Variants in SMC2 observed in about 807,000 individuals in gnomAD.
SMC2 encodes structural maintenance of chromosomes protein 2.
In SMC2, 41 loss-of-function variants were observed where a neutral mutation model predicts 142.6. The observed-to-expected ratio is 0.29, with a 90% CI of 0.22 to 0.37. The LOEUF is 0.37. SMC2 is among the 10% of genes least tolerant of loss of function. The pLI, the probability that SMC2 is intolerant of heterozygous loss-of-function variation, is 1.00. For synonymous variants in SMC2, 463 were observed against 457.5 expected (o/e 1.01, Z -0.15); for missense variants, 1,265 against 1,373.7 (o/e 0.92, Z 1.25).
chr9:104,112,923 C>T (rs1206512827), intron 10 of SMC2, among the ~76,000 whole-genome samples: 1 of 152,042 alleles, frequency 6.6e-6, no homozygotes, highest in Non-Finnish European at 1.5e-5. Flanking sequence ...TTAGATAGCA[C>T]TCACAAATAT....
rs369907847 is a variant in SMC2 at position 104,126,735 on chromosome 9, C to T, written c.2546C>T (p.Ser849Phe). The T allele has an allele frequency of 8.1e-6, 13 of 1,612,772 alleles. No individual in the cohort carries two copies. Among genetic ancestry groups the T allele is most frequent in the Non-Finnish European group, 1.1e-5 (13 of 1,179,590 alleles). The change falls in exon 19 of 25, where the codon TCC becomes TTC. Residue 849 changes from serine to phenylalanine, a missense_variant. Physicochemically the swap from Ser to Phe is radical, Grantham distance 155 (BLOSUM62 -2). This residue lies in a region of SMC2 where 898 missense variants were observed against 904.2 expected (regional missense o/e 0.99). Coordinates refer to ENST00000374793, the MANE Select transcript of SMC2 (RefSeq NM_006444.3). ...GAAGCTGTAAATGAAGCTATCAAAT[C>T]CTATGAAAGTCAGATTGAAGTAATG... ...QLEAVNEAIK[S>F]YESQIEVMAA...
intron 9 of SMC2, among the ~76,000 whole-genome samples, chr9:104,108,231 A>T (rs1209939393): frequency 6.6e-6 from 1 of 152,174 alleles, no homozygotes; most frequent in Non-Finnish European, 1.5e-5. Context: ...AGTATCCAAG[A>T]ACTCCAGAAA....
At chr9:104,091,508 C>T (rs1829981130), upstream of SMC2, among the ~76,000 whole-genome samples, 1 of 152,168 alleles carries the variant, frequency 6.6e-6, no homozygotes, top group Admixed American at 6.5e-5. Context: ...CCACTGCCCT[C>T]CAGCCTGAGA....
chr9:104,100,340 T>A (rs763956569), intron 6 of SMC2, 49 bp from the exon 7 acceptor site: 2 of 1,486,498 alleles, frequency 1.3e-6, no homozygotes, highest in South Asian at 2.4e-5. Flanking sequence ...TCAAATAAAT[T>A]TTAATGATAC....
At chr9:104,091,126 T>C (rs1270871866), upstream of SMC2, among the ~76,000 whole-genome samples, 2 of 152,168 alleles carry the variant, frequency 1.3e-5, no homozygotes, top group Non-Finnish European at 2.9e-5. Context: ...TCAAATAATA[T>C]GGCGTTAGAA....
At chr9:104,132,937 G>T (rs1477314052) in intron 22 of SMC2, among the ~76,000 whole-genome samples, 3 of 151,404 alleles carry the variant, frequency 2.0e-5, no homozygotes, top group African/African-American at 7.3e-5. Context: ...AATTTCCAAG[G>T]TTCTTCCAAA....
In SMC2 at chr9:104,114,090, C is replaced by G. The variant is rs745690835; in HGVS notation, c.1532+9C>G. 8 of 1,394,904 alleles carry G rather than the reference C, an allele frequency of 5.7e-6. No individual in the cohort carries two copies. In the Admixed American group the frequency reaches 6.5e-5, roughly 11 times the overall value. The allele number at this position is 1,394,904 out of a possible 1,614,324, so 86.4% of individuals were successfully genotyped here. A position where few individuals can be genotyped will look rare whatever the true frequency, so the allele number is the denominator to read the frequency against. On this transcript the variant is annotated intron_variant, in intron 12 of 24. Transcript: ENST00000374793. ...CTTCGATTTGCATACAAGTAAGAGA[C>G]TTAAGCCTTGAATTTTAACATAGTA...
chr9:104,103,527 C>T (rs916250915), intron 9 of SMC2, among the ~76,000 whole-genome samples: 8 of 152,064 alleles, frequency 5.3e-5, no homozygotes, highest in Middle Eastern at 6.3e-3. Context: ...TAAAATAGGG[C>T]CCCTTAGTAG....
intron 7 of SMC2, among the ~76,000 whole-genome samples, 175 bp from the exon 8 acceptor site, chr9:104,101,785 A>G (rs1312878803): frequency 6.6e-6 from 1 of 152,236 alleles, no homozygotes; most frequent in African/African-American, 2.4e-5. Flanking sequence ...GTAGAATGCT[A>G]TCTAAAAGTC....
Position 104,127,439 on chromosome 9 carries a change from A to G in SMC2, c.2749A>G (p.Ile917Val), listed in dbSNP as rs1212912967. Reference sequence around the variant, plus strand: ...TAAAATTAAGGAATTAGACCACAACATCAGCAAACATAAACGGGAGGCTGA... The same window carrying G: ...TAAAATTAAGGAATTAGACCACAACGTCAGCAAACATAAACGGGAGGCTGA... ...QLKIKELDHN[I>V]SKHKREAEDG... Residue 917 changes from isoleucine to valine, a missense_variant, in exon 20 of 25, where the codon ATC becomes GTC. Coordinates refer to ENST00000374793, the MANE Select transcript of SMC2 (RefSeq NM_006444.3). The G allele has an allele frequency of 1.9e-6, 3 of 1,612,712 alleles. No individual in the cohort carries two copies. The highest frequency in any genetic ancestry group is 2.5e-6 in the Non-Finnish European group (3 of 1,179,304).
chr9:104,126,060 G>C (rs1431891226), intron 18 of SMC2, among the ~76,000 whole-genome samples: 1 of 152,140 alleles, frequency 6.6e-6, no homozygotes, highest in South Asian at 2.1e-4. Context: ...TCTCAGAGGA[G>C]TGCAGACCCT....
chr9:104,139,959 C>T lies in SMC2; in HGVS notation c.*644C>T, dbSNP rs2131590358. 6.6e-6 allele frequency: 1 copy of T among 151,762 alleles called. No homozygotes were observed. The highest frequency in any genetic ancestry group is 2.4e-5 in the African/African-American group (1 of 41,274). 9.4% of individuals were successfully genotyped at this position (151,762 alleles called of 1,614,324 possible). ...TTTAATGATACATGAATATCATGTTCCTATACGCTTAATAATTGGTCTCTA... is the reference window on the plus strand; with the variant it reads ...TTTAATGATACATGAATATCATGTTTCTATACGCTTAATAATTGGTCTCTA... On this transcript the variant is annotated 3_prime_UTR_variant, in exon 25 of 25. Coordinates refer to ENST00000374793, the MANE Select transcript of SMC2 (RefSeq NM_006444.3).
Position 104,111,749 on chromosome 9 carries a change from A to G in SMC2, c.1189A>G (p.Thr397Ala). 1 of 1,614,042 alleles carries G rather than the reference A, an allele frequency of 6.2e-7. No individual in the cohort carries two copies. The highest frequency in any genetic ancestry group is 1.1e-5 in the South Asian group (1 of 91,084). ...CAGTAATGAAGATGGAGCAGAAGCA[A>G]CTCTTGCTGGTCAAATGATGGCCTG... ...LSSNEDGAEA[T>A]LAGQMMACKN... Residue 397 changes from threonine (T) to alanine (A), a missense_variant, in exon 10 of 25, where the codon ACT (threonine) becomes GCT (alanine). Thr to Ala is a moderately conservative substitution (Grantham distance 58). This residue lies in a region of SMC2 where 898 missense variants were observed against 904.2 expected (regional missense o/e 0.99). Coordinates refer to ENST00000374793, the MANE Select transcript of SMC2 (RefSeq NM_006444.3).
At chr9:104,114,114 T>C in intron 12 of SMC2, 33 bp downstream of exon 12, 1 of 1,248,358 alleles carries the variant, frequency 8.0e-7, no homozygotes, top group Non-Finnish European at 1.1e-6. Context: ...TTTAACATAG[T>C]AATAATCAAG....
intron 23 of SMC2, among the ~76,000 whole-genome samples, chr9:104,135,600 T>C (rs532743005): frequency 5.9e-5 from 9 of 152,134 alleles, no homozygotes; most frequent in African/African-American, 2.2e-4. Flanking sequence ...TCAGGCAGGA[T>C]AAACAGAAAC....
At chr9:104,134,703 C>A in intron 23 of SMC2, 128 bp downstream of exon 23, 1 of 546,694 alleles carries the variant, frequency 1.8e-6, no homozygotes, top group Non-Finnish European at 3.0e-6. Flanking sequence ...ATATATAAGA[C>A]TAAACAATTT....
chr9:104,126,814 T>G (rs1426598480), intron 19 of SMC2, 30 bp downstream of exon 19: 2 of 1,572,622 alleles, frequency 1.3e-6, no homozygotes, highest in Admixed American at 2.0e-5. Flanking sequence ...TTCGAGAAAT[T>G]GAAAATGCGA....
intron 9 of SMC2, among the ~76,000 whole-genome samples, chr9:104,107,211 G>A (rs144926782): frequency 1.3e-3 from 198 of 152,266 alleles, no homozygotes; most frequent in African/African-American, 4.5e-3. Flanking sequence ...AGTAAGAGTG[G>A]GCAGTTTAAG....
At chr9:104,090,783 A>C (rs1378327071), upstream of SMC2, among the ~76,000 whole-genome samples, 1 of 152,234 alleles carries the variant, frequency 6.6e-6, no homozygotes, top group East Asian at 1.9e-4. Context: ...TCACTGAGTA[A>C]GAGTCAGTGG....
Sources: gnomAD v4.1 joint callset for allele counts (sites outside exome capture counted in the v4.1 genomes callset) on GRCh38, gnomAD v4.1.1 for gene constraint, gnomAD v4.1.1 regional missense constraint, MANE v1.5 for transcripts, NCBI Gene and HGNC (gene_info 2026-07-23, HGNC 2026-07-21) for gene names.